The following UBE2O variants were observed in gnomAD, a reference collection of about 807,000 sequenced individuals.
UBE2O encodes ubiquitin conjugating enzyme E2 O.
A neutral mutation model predicts 125.8 loss-of-function variants in UBE2O; 15 were observed. The observed-to-expected ratio is 0.12, with a 90% CI of 0.08 to 0.18. UBE2O has a LOEUF of 0.18. Among genes scored for constraint, UBE2O ranks in the 10% least tolerant of loss-of-function variants. The probability of loss-of-function intolerance (pLI) is 1.00; values close to 1 mark genes in which losing one functional copy is unlikely to be tolerated. For missense variants in UBE2O, 1,280 were observed against 1,723.6 expected, an observed-to-expected ratio of 0.74 and a Z score of 4.56; for synonymous variants, 708 against 703.2, an observed-to-expected ratio of 1.01 and a Z score of -0.11.
At chr17:76,449,736 C>A (rs558686987) in intron 1 of UBE2O, among the ~76,000 whole-genome samples, 2 of 151,478 alleles carry the variant, frequency 1.3e-5, no homozygotes, top group South Asian at 2.1e-4. Context: ...CTGGCCACCA[C>A]GGAGAAACCC....
intron 1 of UBE2O, among the ~76,000 whole-genome samples, chr17:76,416,404 C>T (rs1274502087): frequency 6.6e-6 from 1 of 152,116 alleles, no homozygotes; most frequent in Non-Finnish European, 1.5e-5. Flanking sequence ...TGCACACCCC[C>T]CAGAGAAACA....
At chr17:76,420,828 G>A (rs2072698895) in intron 1 of UBE2O, among the ~76,000 whole-genome samples, 1 of 152,130 alleles carries the variant, frequency 6.6e-6, no homozygotes, top group Admixed American at 6.5e-5. Context: ...TGTGGCCACA[G>A]AAAGCCCGAG....
rs757949487 is a variant in UBE2O at position 76,398,868 on chromosome 17, G to A, written c.1752C>T (p.Phe584=). 1 of 1,614,122 alleles carries A rather than the reference G, an allele frequency of 6.2e-7. No individual in the cohort carries two copies. Among genetic ancestry groups the A allele is most frequent in the Admixed American group, 1.7e-5 (1 of 60,026 alleles). Residue 584 remains phenylalanine, a synonymous_variant, in exon 10 of 18, where the codon TTC becomes TTT. Coordinates refer to ENST00000319380, the MANE Select transcript of UBE2O (RefSeq NM_022066.4). This position sits in a 1 kb window ranked among gnomAD's most constrained non-coding sequence, Gnocchi z 5.4. ...FPVHHLDNNE[F]CPGDFVVDKR... Reference sequence around the variant, plus strand: ...TATCTACCACGAAGTCTCCAGGGCAGAACTCGTTGTTGTCCAGGTGGTGCA... The same window carrying A: ...TATCTACCACGAAGTCTCCAGGGCAAAACTCGTTGTTGTCCAGGTGGTGCA...
intron 3 of UBE2O, among the ~76,000 whole-genome samples, chr17:76,403,468 C>T (rs1219565108): frequency 1.3e-5 from 2 of 151,978 alleles, no homozygotes; most frequent in Non-Finnish European, 2.9e-5. Flanking sequence ...GATGGGGTTT[C>T]GCCATGTTGC....
intron 1 of UBE2O, among the ~76,000 whole-genome samples, chr17:76,446,064 G>A (rs1005935160): frequency 4.6e-5 from 7 of 152,186 alleles, no homozygotes; most frequent in African/African-American, 9.7e-5. Context: ...CATTATAGAC[G>A]TTCCTGATTG....
At chr17:76,428,243 C>T (rs1319090028) in intron 1 of UBE2O, among the ~76,000 whole-genome samples, 1 of 152,186 alleles carries the variant, frequency 6.6e-6, no homozygotes, top group African/African-American at 2.4e-5. Context: ...ATGCCCAGTG[C>T]TCTGGAATCA....
At chr17:76,406,703 T>C (rs948532319) in intron 1 of UBE2O, among the ~76,000 whole-genome samples, 8 of 134,878 alleles carry the variant, frequency 5.9e-5, no homozygotes, top group Admixed American at 5.1e-4. Flanking sequence ...TTTTTTTTTT[T>C]TTTTTTTTTT....
intron 1 of UBE2O, chr17:76,430,875 C>A: frequency 2.5e-6 from 1 of 407,310 alleles, no homozygotes; most frequent in South Asian, 2.0e-5. Context: ...TCGGGTTCTG[C>A]AGGCACAAAA....
chr17:76,414,523 G>C (rs533750084), intron 1 of UBE2O, among the ~76,000 whole-genome samples: 1 of 152,222 alleles, frequency 6.6e-6, no homozygotes, highest in Non-Finnish European at 1.5e-5. Flanking sequence ...CTGCACACCA[G>C]GGACAGCCCC....
chr17:76,422,865 C>G (rs2072733750), intron 1 of UBE2O, among the ~76,000 whole-genome samples: 2 of 152,354 alleles, frequency 1.3e-5, no homozygotes, highest in Admixed American at 6.5e-5. Context: ...CCAGTGCACC[C>G]CAGCAAGTGC....
chr17:76,419,752 C>T (rs2072677101), intron 1 of UBE2O, among the ~76,000 whole-genome samples: 1 of 152,236 alleles, frequency 6.6e-6, no homozygotes, highest in Admixed American at 6.5e-5. Context: ...ATGGTTTCGC[C>T]ACCTTGAAGA....
intron 1 of UBE2O, among the ~76,000 whole-genome samples, chr17:76,417,001 G>A (rs1202213222): frequency 1.3e-5 from 2 of 152,190 alleles, no homozygotes; most frequent in Non-Finnish European, 2.9e-5. Flanking sequence ...CAGGGACCAG[G>A]TCCTGCAGGG....
At chr17:76,401,982 G>A (rs1317750768) in intron 5 of UBE2O, 82 bp downstream of exon 5, 2 of 1,449,872 alleles carry the variant, frequency 1.4e-6, no homozygotes, top group African/African-American at 2.8e-5. Context: ...TGTTTAGCTG[G>A]GTCCAGGTCT....
chr17:76,390,811 C>T lies in UBE2O; in HGVS notation c.*132G>A. On this transcript the variant is annotated 3_prime_UTR_variant, in exon 18 of 18. Coordinates refer to ENST00000319380, the MANE Select transcript of UBE2O (RefSeq NM_022066.4). Reference sequence around the variant, plus strand: ...TTCTTGCACTTCAGCATCAAACTCACCTTGGGGAGAAGAGGGCAGTGGGTT... The same window carrying T: ...TTCTTGCACTTCAGCATCAAACTCATCTTGGGGAGAAGAGGGCAGTGGGTT... The T allele has an allele frequency of 1.1e-6, 1 of 903,690 alleles. No individual in the cohort carries two copies. The highest frequency in any genetic ancestry group is 1.7e-6 in the Non-Finnish European group (1 of 605,722). The allele number at this position is 903,690 out of a possible 1,614,324, so 56.0% of individuals were successfully genotyped here. A position where few individuals can be genotyped will look rare whatever the true frequency, so the allele number is the denominator to read the frequency against.
At chr17:76,447,975 G>T in intron 1 of UBE2O, among the ~76,000 whole-genome samples, 1 of 152,202 alleles carries the variant, frequency 6.6e-6, no homozygotes, top group East Asian at 1.9e-4. Context: ...GGATCATATC[G>T]GGGTTAGGAA....
rs549208583 is a variant in UBE2O at position 76,399,034 on chromosome 17, C to G, written c.1629-43G>C. ...TCAGCAGGCCATGCAAACCCCACCC[C>G]CTCCGCGGAAAGGGCAGAGAGTCTT... On this transcript the variant is annotated intron_variant, in intron 9 of 17. Coordinates refer to ENST00000319380, the MANE Select transcript of UBE2O (RefSeq NM_022066.4). The surrounding 1 kb of genome is among the most constrained non-coding windows in gnomAD (Gnocchi z 6.9). The G allele has an allele frequency of 1.9e-6, 3 of 1,603,148 alleles. No homozygotes were observed. The highest frequency in any genetic ancestry group is 2.7e-5 in the African/African-American group (2 of 74,952).
At position 76,390,844 on chromosome 17, in the gene UBE2O, G is replaced by T; in HGVS notation, c.*99C>A. The T allele has an allele frequency of 7.9e-7, 1 of 1,262,720 alleles. No homozygotes were observed. The highest frequency in any genetic ancestry group is 1.1e-6 in the Non-Finnish European group (1 of 916,654). 78.2% of individuals were successfully genotyped at this position (1,262,720 alleles called of 1,614,324 possible). A position where few individuals can be genotyped will look rare whatever the true frequency, so the allele number is the denominator to read the frequency against. On this transcript the variant is annotated 3_prime_UTR_variant, in exon 18 of 18. Transcript: ENST00000319380. ...AGAAGAGGGCAGTGGGTTTGCAGTG[G>T]GGACAGAGGGGCATGGGAAGAGGGG...
chr17:76,400,014 AC>A lies in UBE2O; in HGVS notation c.1156-94del. On this transcript the variant is annotated intron_variant, in intron 8 of 17. Coordinates refer to ENST00000319380, the MANE Select transcript of UBE2O (RefSeq NM_022066.4). The surrounding 1 kb of genome is among the most constrained non-coding windows in gnomAD (Gnocchi z 4.3). ...CAGGCTGGGGGGATGACAGCTGTAT[AC>A]ACCTGAGTAGCCGGCAAGGGTCATC... is the stretch of plus-strand genomic sequence containing the variant. 1 of 1,524,842 alleles carries A rather than the reference AC, an allele frequency of 6.6e-7. No individual in the cohort carries two copies. The highest frequency in any genetic ancestry group is 8.9e-7 in the Non-Finnish European group (1 of 1,128,460). 94.5% of individuals were successfully genotyped at this position (1,524,842 alleles called of 1,614,324 possible).
Position 76,391,145 on chromosome 17 carries a change from G to T in UBE2O, c.3677C>A (p.Ala1226Glu). ...TDQTSETAPDASVPPSVKPKK... is the reference protein window; with the variant it reads ...TDQTSETAPDESVPPSVKPKK... ...TGGTTTCACACTGGGTGGCACCGATGCGTCTGGTGCGGTCTCCGAAGTCTG... is the reference window on the plus strand; with the variant it reads ...TGGTTTCACACTGGGTGGCACCGATTCGTCTGGTGCGGTCTCCGAAGTCTG... The change falls in exon 18 of 18, where the codon GCA becomes GAA. Residue 1226 changes from alanine (A) to glutamate (E), a missense_variant. This residue lies in a region of UBE2O where 233 missense variants were observed against 279.0 expected (regional missense o/e 0.84). Coordinates refer to ENST00000319380, the MANE Select transcript of UBE2O (RefSeq NM_022066.4). This position sits in a 1 kb window ranked among gnomAD's most constrained non-coding sequence, Gnocchi z 8.4. The T allele has an allele frequency of 6.2e-7, 1 of 1,613,936 alleles. No individual in the cohort carries two copies. Among genetic ancestry groups the T allele is most frequent in the Non-Finnish European group, 8.5e-7 (1 of 1,179,924 alleles).
Sources: allele counts gnomAD v4.1 joint callset (sites outside exome capture counted in the v4.1 genomes callset), GRCh38; gene constraint gnomAD v4.1.1; regional missense constraint gnomAD v4.1.1; non-coding constraint Gnocchi (gnomAD v3.1); transcripts MANE v1.5; gene names NCBI Gene and HGNC (gene_info 2026-07-23, HGNC 2026-07-21).